AGTPBP1: variants seen among roughly 807,000 people sequenced by gnomAD.
AGTPBP1 encodes the protein cytosolic carboxypeptidase 1.
Under a neutral mutation model 143.9 loss-of-function variants are expected in AGTPBP1, and 70 were observed. The observed-to-expected ratio is 0.49, with a 90% CI of 0.40 to 0.59. AGTPBP1 has a LOEUF of 0.59. Ranked by LOEUF, AGTPBP1 falls within the 20% of genes least tolerant of loss-of-function variation. The pLI, the probability that AGTPBP1 is intolerant of heterozygous loss-of-function variation, is 0.00. For synonymous variants in AGTPBP1, 463 were observed against 500.2 expected (o/e 0.93, Z 0.99); for missense variants, 1,229 against 1,464.5 (o/e 0.84, Z 2.62).
chr9:85,741,408 T>C (rs1238252145), intron 1 of AGTPBP1: 4 of 984,606 alleles, frequency 4.1e-6, no homozygotes, highest in Non-Finnish European at 4.8e-6. Flanking sequence ...TCGGCTGGAC[T>C]CCCCGCGGCG....
At chr9:85,688,095 T>TCAAAAAAA (rs1835606100) in intron 3 of AGTPBP1, among the ~76,000 whole-genome samples, 1 of 47,120 alleles carries the variant, frequency 2.1e-5, no homozygotes, top group Non-Finnish European at 4.2e-5. Flanking sequence ...TGTCTCAAAA[T>TCAAAAAAA]TAAAAAAAAA....
chr9:85,746,644 G>T (rs1050203523), upstream of AGTPBP1, among the ~76,000 whole-genome samples: 1 of 151,914 alleles, frequency 6.6e-6, no homozygotes, highest in Non-Finnish European at 1.5e-5. Context: ...AAAAGAAAGA[G>T]TGGGGGGAGA....
At chr9:85,746,710 A>C (rs1824588453), upstream of AGTPBP1, among the ~76,000 whole-genome samples, 1 of 152,072 alleles carries the variant, frequency 6.6e-6, no homozygotes, top group South Asian at 2.1e-4. Flanking sequence ...TGACTATTGT[A>C]TACTGGAAAT....
rs575952202 is a variant in AGTPBP1, at chr9:85,736,371, T to C, written c.-34+5404A>G. Reference sequence around the variant, plus strand: ...GTGATCTTTTGATACATGTAATGTATAGCAATCAGATCAGGGTAATTAGCA... The same window carrying C: ...GTGATCTTTTGATACATGTAATGTACAGCAATCAGATCAGGGTAATTAGCA... On this transcript the variant is annotated intron_variant, in intron 1 of 25. Coordinates refer to ENST00000357081, the MANE Select transcript of AGTPBP1 (RefSeq NM_001330701.2). 3.3e-5 allele frequency among the ~76,000 whole-genome samples: 5 copies of C among 152,332 alleles called. No homozygotes were observed. In the South Asian group the frequency reaches 6.2e-4, roughly 19 times the overall value.
intron 23 of AGTPBP1, among the ~76,000 whole-genome samples, chr9:85,580,582 AG>A (rs1431118109): frequency 6.6e-6 from 1 of 152,206 alleles, no homozygotes; most frequent in South Asian, 2.1e-4. Flanking sequence ...TTATAATTAT[AG>A]GTATGCTAGT....
the AGTPBP1 span, among the ~76,000 whole-genome samples, chr9:85,801,636 G>A: frequency 6.6e-6 from 1 of 152,050 alleles, no homozygotes; most frequent in Non-Finnish European, 1.5e-5. Context: ...AGACAGATGG[G>A]CATTTCCTGT....
At chr9:85,770,596 G>C in the AGTPBP1 span, 3 of 618,056 alleles carry the variant, frequency 4.9e-6, no homozygotes, top group Non-Finnish European at 8.3e-6. Flanking sequence ...TTAAAGATTT[G>C]ATGGTGTAAC....
the AGTPBP1 span, among the ~76,000 whole-genome samples, chr9:85,757,128 G>A: frequency 8.6e-3 from 1,312 of 152,082 alleles, 10 homozygotes; most frequent in Middle Eastern, 0.024. Context: ...GTGCAGTGGC[G>A]CGATCTGTGC....
intron 25 of AGTPBP1, among the ~76,000 whole-genome samples, chr9:85,570,229 G>A (rs370300826): frequency 3.7e-4 from 57 of 152,204 alleles, no homozygotes; most frequent in African/African-American, 1.3e-3. Context: ...GGCAGGAGAC[G>A]TCACCAGACT....
upstream of AGTPBP1, among the ~76,000 whole-genome samples, chr9:85,742,284 C>G (rs1050929390): frequency 3.3e-5 from 5 of 152,152 alleles, no homozygotes; most frequent in Non-Finnish European, 5.9e-5. Flanking sequence ...CGACTCCCCA[C>G]GTTCTTCAAG....
chr9:85,734,734 A>G (rs1049754963), intron 1 of AGTPBP1, among the ~76,000 whole-genome samples: 5 of 152,216 alleles, frequency 3.3e-5, no homozygotes, highest in African/African-American at 1.2e-4. Context: ...TTACCATACA[A>G]TCTGGCAATT....
intron 14 of AGTPBP1, among the ~76,000 whole-genome samples, chr9:85,623,749 T>A (rs1353814976): frequency 1.1e-4 from 16 of 148,280 alleles, no homozygotes; most frequent in African/African-American, 4.1e-4. Context: ...AGAGCGAGAC[T>A]CTGTCTCAAA....
chr9:85,797,128 C>CT, the AGTPBP1 span, among the ~76,000 whole-genome samples: 3 of 151,916 alleles, frequency 2.0e-5, no homozygotes, highest in Non-Finnish European at 4.4e-5. Flanking sequence ...CTCTCTCTCT[C>CT]TTTTTTCTGA....
At chr9:85,693,319 G>C (rs1836004025) in intron 2 of AGTPBP1, among the ~76,000 whole-genome samples, 1 of 152,110 alleles carries the variant, frequency 6.6e-6, no homozygotes, top group African/African-American at 2.4e-5. Flanking sequence ...TTTGTACATA[G>C]GCCGGGCACA....
chr9:85,639,195 TC>T (rs1175663557), intron 13 of AGTPBP1, among the ~76,000 whole-genome samples: 2 of 152,146 alleles, frequency 1.3e-5, no homozygotes, highest in African/African-American at 4.8e-5. Context: ...TTAAAAATTA[TC>T]TTTTTTAAAA....
chr9:85,669,687 C>T (rs1023870118), intron 7 of AGTPBP1, 109 bp from the exon 8 acceptor site: 2 of 612,456 alleles, frequency 3.3e-6, no homozygotes, highest in African/African-American at 1.9e-5. Flanking sequence ...TAGTAAATGT[C>T]AACTCAAGTC....
chr9:85,585,622 A>C, intron 22 of AGTPBP1, 28 bp from the exon 23 acceptor site: 1 of 1,533,104 alleles, frequency 6.5e-7, no homozygotes, highest in Non-Finnish European at 8.8e-7. Flanking sequence ...TAAAAATTAA[A>C]AGACTTCAAG....
intron 8 of AGTPBP1, among the ~76,000 whole-genome samples, chr9:85,662,942 T>C (rs1274441745): frequency 2.0e-5 from 3 of 152,164 alleles, no homozygotes; most frequent in Non-Finnish European, 2.9e-5. Context: ...CAATGAAAGA[T>C]AGAGATCCAC....
intron 25 of AGTPBP1, 71 bp from the exon 26 acceptor site, chr9:85,547,357 C>T (rs1277391960): frequency 7.8e-7 from 1 of 1,280,010 alleles, no homozygotes; most frequent in Non-Finnish European, 1.0e-6. Flanking sequence ...ATTATTTCAC[C>T]ATACTGGACT....
Sources: gnomAD v4.1 joint callset for allele counts (sites outside exome capture counted in the v4.1 genomes callset) on GRCh38, gnomAD v4.1.1 for gene constraint, MANE v1.5 for transcripts, NCBI Gene and HGNC (gene_info 2026-07-23, HGNC 2026-07-21) for gene names.